The following TEKT5 variants were observed in gnomAD, a reference collection of about 807,000 sequenced individuals.
TEKT5 encodes the protein tektin 5.
Under a neutral mutation model 48.7 loss-of-function variants are expected in TEKT5, and 52 were observed. The ratio of observed to expected loss-of-function variants is 1.07; its 90% CI spans 0.86 to 1.35. The LOEUF is 1.35. TEKT5 is among the 40% of genes most tolerant of loss of function. The pLI, the probability that TEKT5 is intolerant of heterozygous loss-of-function variation, is 0.00. For missense variants in TEKT5, 831 were observed against 641.6 expected (o/e 1.30, Z -3.19); for synonymous variants, 318 against 267.6 (o/e 1.19, Z -1.84).
At chr16:10,689,210 CA>C in intron 3 of TEKT5, 42 bp downstream of exon 3, 1 of 1,543,694 alleles carries the variant, frequency 6.5e-7, no homozygotes, top group Non-Finnish European at 8.8e-7. Flanking sequence ...AGTCCTAAAA[CA>C]AACCCCAAGG....
intron 4 of TEKT5, among the ~76,000 whole-genome samples, chr16:10,677,482 C>A (rs970916155): frequency 1.4e-5 from 2 of 145,858 alleles, no homozygotes; most frequent in Non-Finnish European, 2.9e-5. Flanking sequence ...TGGTGGCACA[C>A]GCCTGTAATC....
Position 10,627,912 on chromosome 16 carries a change from G to A in TEKT5, c.1242-113C>T, listed in dbSNP as rs1229399019. On this transcript the variant is annotated intron_variant, in intron 6 of 6. Transcript: ENST00000283025. ...GGCTGGAGTGCAGTGGCACAATCTC[G>A]GCTCACTGCAACCTCTGCCTCCCGG... 9 of 964,302 alleles carry A rather than the reference G, an allele frequency of 9.3e-6. 1 individual carries two copies. Among genetic ancestry groups the A allele is most frequent in the Middle Eastern group, 3.2e-4 (1 of 3,108 alleles). 59.7% of individuals were successfully genotyped at this position (964,302 alleles called of 1,614,324 possible).
At chr16:10,659,015 G>A (rs993890670) in intron 5 of TEKT5, among the ~76,000 whole-genome samples, 1 of 152,240 alleles carries the variant, frequency 6.6e-6, no homozygotes, top group African/African-American at 2.4e-5. Context: ...ACGGTGCCCA[G>A]TCTGGGACCA....
rs188265173 is a variant in TEKT5, at chr16:10,654,108, C to T, written c.1087-18190G>A. Among the ~76,000 whole-genome samples, 637 of 152,098 alleles carry T rather than the reference C, an allele frequency of 4.2e-3. 4 individuals are homozygous for T. The highest frequency in any genetic ancestry group is 5.0e-3 in the Non-Finnish European group (343 of 68,004). ...CACTGTTGTCCAGGATGAACTGCAG[C>T]GGCACTATTATGGCTCACTGCAGCC... On this transcript the variant is annotated intron_variant, in intron 5 of 6. Transcript: ENST00000283025.
chr16:10,662,652 C>A (rs1278377065), intron 5 of TEKT5, among the ~76,000 whole-genome samples: 1 of 152,234 alleles, frequency 6.6e-6, no homozygotes, highest in Non-Finnish European at 1.5e-5. Context: ...ATCTGCCTTT[C>A]TTTACCCATG....
Position 10,682,026 on chromosome 16 carries a change from C to G in TEKT5, c.830G>C (p.Ser277Thr), listed in dbSNP as rs1326345135. The change falls in exon 4 of 7, where the codon AGC becomes ACC. Residue 277 changes from serine to threonine, a missense_variant. Ser to Thr is a moderately conservative substitution (Grantham distance 58). Transcript: ENST00000283025. ...FNLRNTSDCI[S>T]FFHGMEKIDG... ...AATTTTCTCCATGCCGTGGAAGAAGCTGATGCAGTCTGACGTATTTCTCAG... is the reference window on the plus strand; with the variant it reads ...AATTTTCTCCATGCCGTGGAAGAAGGTGATGCAGTCTGACGTATTTCTCAG... The G allele has an allele frequency of 9.9e-6, 16 of 1,614,152 alleles. No individual in the cohort carries two copies. Among genetic ancestry groups the G allele is most frequent in the East Asian group, 2.2e-5 (1 of 44,880 alleles).
Position 10,676,014 on chromosome 16 carries a change from G to T in TEKT5, c.1031C>A (p.Ala344Asp), listed in dbSNP as rs555937241. 28 of 1,614,224 alleles carry T rather than the reference G, an allele frequency of 1.7e-5. No homozygotes were observed. In the African/African-American group the frequency reaches 2.0e-4, roughly 12 times the overall value. ...CACATCCGTCACCTCAGAGATGCGGGCGTTGAAGGCCAGGTTGGTGTCTGT... is the reference window on the plus strand; with the variant it reads ...CACATCCGTCACCTCAGAGATGCGGTCGTTGAAGGCCAGGTTGGTGTCTGT... ...QFTDTNLAFN[A>D]RISEVTDVKN... The change falls in exon 5 of 7, where the codon GCC becomes GAC. Residue 344 changes from alanine (A) to aspartate (D), a missense_variant. By Grantham distance (126) the Ala-to-Asp change is moderately radical. Coordinates refer to ENST00000283025, the MANE Select transcript of TEKT5 (RefSeq NM_144674.2).
chr16:10,675,468 C>CCA (rs1898627891), intron 5 of TEKT5, among the ~76,000 whole-genome samples: 1 of 152,182 alleles, frequency 6.6e-6, no homozygotes, highest in African/African-American at 2.4e-5. Flanking sequence ...ACGACAGAAT[C>CCA]GGGCAGTGCT....
chr16:10,694,698 G>T lies in TEKT5; in HGVS notation c.176C>A (p.Ala59Asp). 6.2e-7 allele frequency: 1 copy of T among 1,613,802 alleles called. No homozygotes were observed. The highest frequency in any genetic ancestry group is 8.5e-7 in the Non-Finnish European group (1 of 1,179,804). ...SWRPSLFYKI[A>D]NVQTCPDEST... ...CTCGTCCGGGCAGGTCTGGACGTTG[G>T]CTATCTTGTAGAAGAGGCTAGGCCT... Residue 59 changes from alanine (A) to aspartate (D), a missense_variant, in exon 1 of 7, where the codon GCC becomes GAC. Transcript: ENST00000283025.
chr16:10,635,973 A>G, intron 5 of TEKT5, 55 bp from the exon 6 acceptor site: 1 of 1,597,100 alleles, frequency 6.3e-7, no homozygotes, highest in Non-Finnish European at 8.5e-7. Context: ...ACCTCCTCTG[A>G]CTGGGGGCCT....
chr16:10,648,760 T>G (rs1186003067), intron 5 of TEKT5, among the ~76,000 whole-genome samples: 1 of 152,236 alleles, frequency 6.6e-6, no homozygotes, highest in Non-Finnish European at 1.5e-5. Flanking sequence ...TCTCTAGCCC[T>G]TGGCCATCTT....
intron 5 of TEKT5, among the ~76,000 whole-genome samples, chr16:10,652,075 T>A (rs1898168376): frequency 6.6e-6 from 1 of 152,288 alleles, no homozygotes; most frequent in Non-Finnish European, 1.5e-5. Context: ...TCTGAGCCGT[T>A]CCACTACAGC....
Position 10,652,817 on chromosome 16 carries a change from TC to T in TEKT5, c.1087-16900del, listed in dbSNP as rs1177741735. Reference sequence around the variant, plus strand: ...ACACCCTCCAGGCCAGGTAGAACGATCCCTTATATACACAGGCAGACACACA... The same window carrying T: ...ACACCCTCCAGGCCAGGTAGAACGATCCTTATATACACAGGCAGACACACA... On this transcript the variant is annotated intron_variant, in intron 5 of 6. Coordinates refer to ENST00000283025, the MANE Select transcript of TEKT5 (RefSeq NM_144674.2). Among the ~76,000 whole-genome samples, 71 of 71,332 alleles carry T rather than the reference TC, an allele frequency of 1.0e-3. 1 individual carries two copies. The highest frequency in any genetic ancestry group is 1.3e-3 in the Non-Finnish European group (51 of 38,202). 46.8% of individuals were successfully genotyped at this position (71,332 alleles called of 152,430 possible).
At position 10,690,035 on chromosome 16, in the gene TEKT5, G is replaced by A; in HGVS notation, c.565-10C>T. 6.2e-7 allele frequency: 1 copy of A among 1,613,720 alleles called. No individual in the cohort carries two copies. Among genetic ancestry groups the A allele is most frequent in the Non-Finnish European group, 8.5e-7 (1 of 1,179,918 alleles). On this transcript the variant is annotated splice_polypyrimidine_tract_variant and intron_variant, in intron 1 of 6. Coordinates refer to ENST00000283025, the MANE Select transcript of TEKT5 (RefSeq NM_144674.2). Reference sequence around the variant, plus strand: ...GACACTCCAAGGCCACCTGTGGGAAGCAGCAGAAAGAACGTATTCTTCCTG... The same window carrying A: ...GACACTCCAAGGCCACCTGTGGGAAACAGCAGAAAGAACGTATTCTTCCTG...
chr16:10,627,539 T>C lies in TEKT5; in HGVS notation c.*44A>G, dbSNP rs1191459811. On this transcript the variant is annotated 3_prime_UTR_variant, in exon 7 of 7. Transcript: ENST00000283025. ...ACTGTTTTACTTTGTTTCTCAGCCT[T>C]TTCCAATTTTACGCCAGCGCGGAAT... The C allele has an allele frequency of 1.3e-6, 2 of 1,599,974 alleles. No individual in the cohort carries two copies. Among genetic ancestry groups the C allele is most frequent in the Admixed American group, 3.3e-5 (2 of 59,796 alleles).
chr16:10,666,644 T>G (rs1481866522), intron 5 of TEKT5, among the ~76,000 whole-genome samples: 1 of 152,194 alleles, frequency 6.6e-6, no homozygotes, highest in Non-Finnish European at 1.5e-5. Flanking sequence ...AGGGAACGCC[T>G]GCACAGGAAT....
chr16:10,675,661 C>G (rs542598382), intron 5 of TEKT5, among the ~76,000 whole-genome samples: 10 of 152,158 alleles, frequency 6.6e-5, no homozygotes, highest in Non-Finnish European at 1.5e-4. Context: ...CACTCGCGCT[C>G]GGCCACATGG....
chr16:10,659,690 G>C (rs1476558802), intron 5 of TEKT5, among the ~76,000 whole-genome samples: 1 of 152,156 alleles, frequency 6.6e-6, no homozygotes, highest in East Asian at 1.9e-4. Context: ...GTTTTAATAA[G>C]GCAACCGCAG....
At chr16:10,660,059 A>G (rs1383241747) in intron 5 of TEKT5, among the ~76,000 whole-genome samples, 2 of 152,134 alleles carry the variant, frequency 1.3e-5, no homozygotes, top group African/African-American at 4.8e-5. Flanking sequence ...ATTTAATCCA[A>G]TTCCCTGGAT....
Sources: allele counts gnomAD v4.1 joint callset (sites outside exome capture counted in the v4.1 genomes callset), GRCh38; gene constraint gnomAD v4.1.1; transcripts MANE v1.5; gene names NCBI Gene and HGNC (gene_info 2026-07-23, HGNC 2026-07-21).